Variants in TBC1D1 observed in about 807,000 individuals in gnomAD.
TBC1D1 encodes the protein TBC1 domain family member 1, also known as TBC1 (tre-2/USP6, BUB2, cdc16) domain family, member 1.
Under a neutral mutation model 125.6 loss-of-function variants are expected in TBC1D1, and 89 were observed. The ratio of observed to expected loss-of-function variants is 0.71; its 90% CI spans 0.60 to 0.85. The LOEUF (loss-of-function observed/expected upper bound fraction) is 0.85. Among genes scored for constraint, TBC1D1 ranks in the 40% least tolerant of loss-of-function variants. The pLI, the probability that TBC1D1 is intolerant of heterozygous loss-of-function variation, is 0.00. For missense variants in TBC1D1, 1,377 were observed against 1,469.2 expected (o/e 0.94, Z 1.03); for synonymous variants, 565 against 564.1 (o/e 1.00, Z -0.02).
chr4:38,064,855 C>T (rs546322956), intron 12 of TBC1D1, among the ~76,000 whole-genome samples: 72 of 152,002 alleles, frequency 4.7e-4, no homozygotes, highest in Non-Finnish European at 1.0e-3. Context: ...CATCTCCCGA[C>T]CTCGCGATTC....
At chr4:38,016,940 T>G (rs1199368795) in intron 3 of TBC1D1, among the ~76,000 whole-genome samples, 1 of 151,230 alleles carries the variant, frequency 6.6e-6, no homozygotes, top group African/African-American at 2.4e-5. Flanking sequence ...GGGAGGGGAG[T>G]GAAGCTGTTG....
chr4:38,047,288 C>T (rs1246376154), intron 10 of TBC1D1, among the ~76,000 whole-genome samples: 1 of 152,146 alleles, frequency 6.6e-6, no homozygotes, highest in Admixed American at 6.5e-5. Flanking sequence ...CCTCAGCCTC[C>T]TGAGTAGCTG....
chr4:37,980,999 G>C lies in TBC1D1; in HGVS notation c.418-33510G>C, dbSNP rs1005341695. Reference sequence around the variant, plus strand: ...ACTCTGTCGCCCAGGCTGGTGTGCAGTGGCACGATCTCGGCTCACTGCAAC... The same window carrying C: ...ACTCTGTCGCCCAGGCTGGTGTGCACTGGCACGATCTCGGCTCACTGCAAC... On this transcript the variant is annotated intron_variant, in intron 2 of 19. Transcript: ENST00000261439. Among the ~76,000 whole-genome samples, 4 of 151,816 alleles carry C rather than the reference G, an allele frequency of 2.6e-5. No homozygotes were observed. In the East Asian group the frequency reaches 7.7e-4, roughly 29 times the overall value.
At chr4:38,119,071 T>C (rs1439809514) in intron 17 of TBC1D1, among the ~76,000 whole-genome samples, 1 of 152,178 alleles carries the variant, frequency 6.6e-6, no homozygotes, top group African/African-American at 2.4e-5. Context: ...AGGAGGAGGC[T>C]ACTAAAAAAA....
chr4:37,927,557 T>C (rs750170945), intron 2 of TBC1D1, among the ~76,000 whole-genome samples: 1 of 152,200 alleles, frequency 6.6e-6, no homozygotes, highest in Non-Finnish European at 1.5e-5. Flanking sequence ...GGTGATGTTT[T>C]TATAAAAGCC....
chr4:38,104,336 C>T (rs1760900889), intron 15 of TBC1D1, among the ~76,000 whole-genome samples: 1 of 152,096 alleles, frequency 6.6e-6, no homozygotes, highest in African/African-American at 2.4e-5. Flanking sequence ...TTTGCAGTTG[C>T]CACTGTGAAG....
At chr4:38,018,892 A>C (rs1353394605) in intron 4 of TBC1D1, among the ~76,000 whole-genome samples, 1 of 151,386 alleles carries the variant, frequency 6.6e-6, no homozygotes, top group Non-Finnish European at 1.5e-5. Context: ...TATCTTTGAC[A>C]TATATATTTA....
chr4:37,957,972 T>C (rs1227054861), intron 2 of TBC1D1, among the ~76,000 whole-genome samples: 2 of 152,230 alleles, frequency 1.3e-5, no homozygotes, highest in Non-Finnish European at 2.9e-5. Flanking sequence ...GTGGAAAGCT[T>C]CACTGGAAAA....
chr4:38,051,441 T>A (rs1056064242), intron 11 of TBC1D1, among the ~76,000 whole-genome samples: 1 of 152,312 alleles, frequency 6.6e-6, no homozygotes, highest in Middle Eastern at 3.4e-3. Context: ...ATTAAAAATT[T>A]TTTTTCCTGC....
At chr4:37,894,928 T>C (rs1714212449) in intron 1 of TBC1D1, among the ~76,000 whole-genome samples, 1 of 152,288 alleles carries the variant, frequency 6.6e-6, no homozygotes, top group African/African-American at 2.4e-5. Flanking sequence ...CCTTCACAAT[T>C]TATTAGTGAG....
intron 2 of TBC1D1, among the ~76,000 whole-genome samples, chr4:38,004,434 G>T (rs1287112741): frequency 1.3e-5 from 2 of 152,124 alleles, no homozygotes; most frequent in Non-Finnish European, 2.9e-5. Context: ...ATTTATACTC[G>T]TCACACATTT....
chr4:37,964,104 C>T (rs1730601931), intron 2 of TBC1D1, among the ~76,000 whole-genome samples: 1 of 152,230 alleles, frequency 6.6e-6, no homozygotes, highest in South Asian at 2.1e-4. Context: ...TATAGCATCC[C>T]TGAGGACTGG....
Position 38,054,427 on chromosome 4 carries a change from G to A in TBC1D1, c.2050+89G>A, listed in dbSNP as rs182733263. The A allele has an allele frequency of 1.3e-5, 20 of 1,547,770 alleles. No individual in the cohort carries two copies. In the East Asian group the frequency reaches 1.8e-4, roughly 14 times the overall value. On this transcript the variant is annotated intron_variant, in intron 12 of 19. Coordinates refer to ENST00000261439, the MANE Select transcript of TBC1D1 (RefSeq NM_015173.4). ...CATCATATTGGTAAGAAAGCAGAGCGCCGTCCTCTTCAGTATTGGCAGGTC... is the reference window on the plus strand; with the variant it reads ...CATCATATTGGTAAGAAAGCAGAGCACCGTCCTCTTCAGTATTGGCAGGTC...
chr4:38,058,181 CA>C (rs1468155792), intron 12 of TBC1D1, among the ~76,000 whole-genome samples: 1 of 152,212 alleles, frequency 6.6e-6, no homozygotes, highest in Non-Finnish European at 1.5e-5. Context: ...GCTTGAATGG[CA>C]ACTGATTTCT....
intron 2 of TBC1D1, among the ~76,000 whole-genome samples, chr4:37,908,172 C>T (rs1717753497): frequency 6.6e-6 from 1 of 151,960 alleles, no homozygotes; most frequent in African/African-American, 2.4e-5. Flanking sequence ...TGTGCCGGGC[C>T]CAGGGTAAGT....
At chr4:38,000,568 C>A (rs1055631775) in intron 2 of TBC1D1, among the ~76,000 whole-genome samples, 1 of 152,200 alleles carries the variant, frequency 6.6e-6, no homozygotes, top group African/African-American at 2.4e-5. Flanking sequence ...TAGGGATCCT[C>A]AGCCTGTAGC....
At position 38,008,814 on chromosome 4, in the gene TBC1D1, G is replaced by C. The variant is rs544945042; in HGVS notation, c.418-5695G>C. Among the ~76,000 whole-genome samples, 1,218 of 152,292 alleles carry C rather than the reference G, an allele frequency of 8.0e-3. 6 individuals are homozygous for C. Among genetic ancestry groups the C allele is most frequent in the South Asian group, 0.029 (139 of 4,824 alleles). On this transcript the variant is annotated intron_variant, in intron 2 of 19. Transcript: ENST00000261439. ...CACAGGAGCGGCCTTCTGTGCCTTC[G>C]CCCATGTTTGTGTTCTGGCACCTGT...
At chr4:37,974,281 A>G (rs1270466853) in intron 2 of TBC1D1, among the ~76,000 whole-genome samples, 2 of 152,154 alleles carry the variant, frequency 1.3e-5, no homozygotes, top group African/African-American at 4.8e-5. Flanking sequence ...CCCAGGCTGG[A>G]GTGCAGTGGC....
Position 38,138,760 on chromosome 4 carries a change from G to GT in TBC1D1, c.*1428dup, listed in dbSNP as rs1485175295. On this transcript the variant is annotated 3_prime_UTR_variant, in exon 20 of 20. Transcript: ENST00000261439. ...TAACCACGTCTTCTATTCCATAGGA[G>GT]TTTCTTTTGATTCTCTCAGTTGCGG... 1 of 148,188 alleles carries GT rather than the reference G, an allele frequency of 6.7e-6. No homozygotes were observed. Among genetic ancestry groups the GT allele is most frequent in the African/African-American group, 2.5e-5 (1 of 39,370 alleles). The allele number at this position is 148,188 out of a possible 1,614,324, so 9.2% of individuals were successfully genotyped here. A position where few individuals can be genotyped will look rare whatever the true frequency, so the allele number is the denominator to read the frequency against.
Sources: gnomAD v4.1 joint callset for allele counts (sites outside exome capture counted in the v4.1 genomes callset) on GRCh38, gnomAD v4.1.1 for gene constraint, MANE v1.5 for transcripts, NCBI Gene and HGNC (gene_info 2026-07-23, HGNC 2026-07-21) for gene names.